LLGL1: variants seen among roughly 807,000 people sequenced by gnomAD.
LLGL1 encodes the protein lethal(2) giant larvae protein homolog 1.
A neutral mutation model predicts 110.6 loss-of-function variants in LLGL1; 58 were observed. That is an observed-to-expected ratio of 0.52 (90% CI 0.42 to 0.65). The LOEUF is 0.65. Among genes scored for constraint, LLGL1 ranks in the 30% least tolerant of loss-of-function variants. The pLI is 0.00. For missense variants in LLGL1, 1,229 were observed against 1,462.1 expected, an observed-to-expected ratio of 0.84 and a Z score of 2.60; for synonymous variants, 674 against 607.2, an observed-to-expected ratio of 1.11 and a Z score of -1.62.
At chr17:18,242,680 C>T in intron 21 of LLGL1, 52 bp downstream of exon 21, 1 of 1,571,650 alleles carries the variant, frequency 6.4e-7, no homozygotes, top group South Asian at 1.2e-5. Flanking sequence ...CCCTAGGCCT[C>T]CGTCCCCAGG....
intron 4 of LLGL1, 132 bp from the exon 5 acceptor site, chr17:18,233,646 G>A (rs2047618973): frequency 3.5e-6 from 3 of 854,696 alleles, no homozygotes; most frequent in Non-Finnish European, 5.5e-6. Flanking sequence ...TTCCTGGGGT[G>A]GCTCTGTAAG....
chr17:18,232,444 A>T (rs1469118677), intron 2 of LLGL1, 51 bp from the exon 3 acceptor site: 13 of 1,518,984 alleles, frequency 8.6e-6, no homozygotes, highest in Non-Finnish European at 1.2e-5. Context: ...TGTCTTCCTC[A>T]CTGTGGTTTG....
rs112209228 is a variant in LLGL1, at chr17:18,242,317, C to G, written c.2995+39C>G. The G allele has an allele frequency of 2.5e-6, 4 of 1,575,042 alleles. No homozygotes were observed. In the East Asian group the frequency reaches 9.0e-5, roughly 35 times the overall value. On this transcript the variant is annotated intron_variant, in intron 20 of 22. Coordinates refer to ENST00000316843, the MANE Select transcript of LLGL1 (RefSeq NM_004140.4). Reference sequence around the variant, plus strand: ...GAAAGGGGTCCAGACCCTGGCCCCACGGTGCCCTGGGGGAGGGAGTCGGGA... The same window carrying G: ...GAAAGGGGTCCAGACCCTGGCCCCAGGGTGCCCTGGGGGAGGGAGTCGGGA...
Position 18,242,150 on chromosome 17 carries a change from G to C in LLGL1, c.2883-16G>C. On this transcript the variant is annotated splice_polypyrimidine_tract_variant and intron_variant, in intron 19 of 22. Coordinates refer to ENST00000316843, the MANE Select transcript of LLGL1 (RefSeq NM_004140.4). Reference sequence around the variant, plus strand: ...GTCATCCACCTATGGTCCCCATCATGGCCCCATCTCTGCAGTTACAGGATC... The same window carrying C: ...GTCATCCACCTATGGTCCCCATCATCGCCCCATCTCTGCAGTTACAGGATC... 1 of 1,604,554 alleles carries C rather than the reference G, an allele frequency of 6.2e-7. No homozygotes were observed. The highest frequency in any genetic ancestry group is 8.5e-7 in the Non-Finnish European group (1 of 1,171,456).
Position 18,241,453 on chromosome 17 carries a change from GT to G in LLGL1, c.2507del (p.Phe836SerfsTer6). 6.2e-7 allele frequency: 1 copy of G among 1,611,852 alleles called. No individual in the cohort carries two copies. Among genetic ancestry groups the G allele is most frequent in the African/African-American group, 1.3e-5 (1 of 75,032 alleles). On this transcript the variant is annotated frameshift_variant, in exon 18 of 23. Transcript: ENST00000316843. LOFTEE classifies it high-confidence loss of function. ...LIASEEQFKV[F>X]TLPKVSAKTK... The stretch of plus-strand genomic sequence containing the variant: ...GCTCACCAGCCACCTGCTGTCAGGT[GT>G]TCACACTGCCCAAGGTGAGCGCGAA...
intron 1 of LLGL1, among the ~76,000 whole-genome samples, 174 bp from the exon 2 acceptor site, chr17:18,229,767 C>T (rs906749710): frequency 3.9e-5 from 6 of 152,298 alleles, no homozygotes; most frequent in African/African-American, 1.2e-4. Context: ...CAACTGGAGG[C>T]ATGATAACCC....
At chr17:18,229,234 C>T (rs2047516448) in intron 1 of LLGL1, among the ~76,000 whole-genome samples, 1 of 151,976 alleles carries the variant, frequency 6.6e-6, no homozygotes, top group African/African-American at 2.4e-5. Flanking sequence ...GGGTGGGGAG[C>T]TGTTTCATCG....
At position 18,235,126 on chromosome 17, in the gene LLGL1, A is replaced by G. The variant is rs774638925; in HGVS notation, c.1098A>G (p.Glu366=). 25 of 1,613,738 alleles carry G rather than the reference A, an allele frequency of 1.5e-5. No homozygotes were observed. Among genetic ancestry groups the G allele is most frequent in the Non-Finnish European group, 1.9e-5 (22 of 1,180,034 alleles). Reference sequence around the variant, plus strand: ...CCCAGGCCCTGGCTGTGCTGCTGGAAGAGGAGCTGGTGGTGCTGGACCTGC... The same window carrying G: ...CCCAGGCCCTGGCTGTGCTGCTGGAGGAGGAGCTGGTGGTGCTGGACCTGC... ...DDPQALAVLL[E]EELVVLDLQT... Residue 366 remains glutamate (E), a synonymous_variant, in exon 10 of 23, where the codon GAA becomes GAG. Coordinates refer to ENST00000316843, the MANE Select transcript of LLGL1 (RefSeq NM_004140.4).
At chr17:18,237,977 C>G in intron 14 of LLGL1, 90 bp from the exon 15 acceptor site, 1 of 1,489,756 alleles carries the variant, frequency 6.7e-7, no homozygotes, top group African/African-American at 1.4e-5. Flanking sequence ...CTGTGACTCC[C>G]TGACCTGGGT....
At chr17:18,239,017 A>G (rs1257153418) in intron 16 of LLGL1, among the ~76,000 whole-genome samples, 1 of 152,080 alleles carries the variant, frequency 6.6e-6, no homozygotes, top group Non-Finnish European at 1.5e-5. Context: ...TCAGAAAAAA[A>G]GCTTACCATC....
At chr17:18,234,454 G>C (rs760296905) in intron 7 of LLGL1, 46 bp downstream of exon 7, 5 of 1,598,332 alleles carry the variant, frequency 3.1e-6, no homozygotes, top group Non-Finnish European at 4.3e-6. Flanking sequence ...ATGGGAGGGG[G>C]CACCACTGAG....
At position 18,242,604 on chromosome 17, in the gene LLGL1, T is replaced by C; in HGVS notation, c.3092T>C (p.Val1031Ala). 6.2e-7 allele frequency: 1 copy of C among 1,613,426 alleles called. No individual in the cohort carries two copies. The highest frequency in any genetic ancestry group is 8.5e-7 in the Non-Finnish European group (1 of 1,179,660). The part of the protein sequence containing the change: ...TTLDTTGDVT[V>A]EDVKDFLGSS... ...CTGGACACGACAGGGGACGTCACAG[T>C]GGAAGATGTGAAGGATTTCCTGGGG... The change falls in exon 21 of 23, where the codon GTG becomes GCG. Residue 1031 changes from valine (V) to alanine (A), a missense_variant. Val to Ala is a moderately conservative substitution (Grantham distance 64). Coordinates refer to ENST00000316843, the MANE Select transcript of LLGL1 (RefSeq NM_004140.4).
Position 18,240,745 on chromosome 17 carries a change from G to T in LLGL1, c.2374G>T (p.Ala792Ser). Residue 792 changes from alanine (A) to serine (S), a missense_variant, in exon 17 of 23, where the codon GCC becomes TCC. Coordinates refer to ENST00000316843, the MANE Select transcript of LLGL1 (RefSeq NM_004140.4). The surrounding 1 kb of genome is among the most constrained non-coding windows in gnomAD (Gnocchi z 5.3). Reference protein sequence around the residue: ...VQLMHRAPVVAIAVLDGRGRP... With the variant: ...VQLMHRAPVVSIAVLDGRGRP... ...GCTGATGCACCGGGCGCCTGTGGTG[G>T]CCATTGCCGTGTTGGACGGGCGTGG... is the stretch of plus-strand genomic sequence containing the variant. 1 of 1,611,976 alleles carries T rather than the reference G, an allele frequency of 6.2e-7. No individual in the cohort carries two copies. Among genetic ancestry groups the T allele is most frequent in the Non-Finnish European group, 8.5e-7 (1 of 1,179,258 alleles).
intron 17 of LLGL1, 48 bp from the exon 18 acceptor site, chr17:18,241,403 G>A (rs752725033): frequency 6.4e-7 from 1 of 1,574,200 alleles, no homozygotes; most frequent in Non-Finnish European, 8.6e-7. Flanking sequence ...GGGGCCCTGG[G>A]GACGAGGACA....
chr17:18,243,207 A>G (rs186166153), intron 22 of LLGL1, among the ~76,000 whole-genome samples: 3 of 152,276 alleles, frequency 2.0e-5, no homozygotes, highest in Admixed American at 6.5e-5. Flanking sequence ...TCCTGGGTTC[A>G]TGCCATTCTC....
rs538941475 is a variant in LLGL1, at chr17:18,232,713, C to G, written c.303C>G (p.Leu101=). 2.5e-6 allele frequency: 4 copies of G among 1,614,186 alleles called. No individual in the cohort carries two copies. In the East Asian group the frequency reaches 6.7e-5, roughly 27 times the overall value. The part of the protein sequence containing the change: ...LSLLDDSSLH[L]WEIVHHNGCA... ...TGCTTGATGACAGCAGTCTGCATCT[C>G]TGGGAGATTGTCCACCATAATGGCT... Residue 101 remains leucine, a synonymous_variant, in exon 4 of 23, where the codon CTC becomes CTG. Coordinates refer to ENST00000316843, the MANE Select transcript of LLGL1 (RefSeq NM_004140.4).
intron 1 of LLGL1, among the ~76,000 whole-genome samples, chr17:18,225,967 G>C: frequency 6.6e-6 from 1 of 151,844 alleles, no homozygotes; most frequent in East Asian, 1.9e-4. Flanking sequence ...GTCTCCGGCC[G>C]ACTTTCCGTG....
chr17:18,238,498 C>G lies in LLGL1; in HGVS notation c.2095C>G (p.His699Asp). ...ACAGCTGGCTGAGCAGGCCTGCCCCCACGACGTGGAGATGACGCCCGTGCA... is the reference window on the plus strand; with the variant it reads ...ACAGCTGGCTGAGCAGGCCTGCCCCGACGACGTGGAGATGACGCCCGTGCA... ...NAQLAEQACPHDVEMTPVQRR... is the reference protein window; with the variant it reads ...NAQLAEQACPDDVEMTPVQRR... The change falls in exon 16 of 23, where the codon CAC (histidine) becomes GAC (aspartate). Residue 699 changes from histidine (H) to aspartate (D), a missense_variant. Coordinates refer to ENST00000316843, the MANE Select transcript of LLGL1 (RefSeq NM_004140.4). 16 of 1,612,450 alleles carry G rather than the reference C, an allele frequency of 9.9e-6. No homozygotes were observed. The highest frequency in any genetic ancestry group is 1.4e-5 in the Non-Finnish European group (16 of 1,179,952).
intron 1 of LLGL1, 136 bp downstream of exon 1, chr17:18,225,899 C>A (rs2047427287): frequency 4.7e-6 from 1 of 214,734 alleles, no homozygotes; most frequent in Non-Finnish European, 7.9e-6. Context: ...CGGGGCCGGG[C>A]CGGGCCGCGC....
Sources: gnomAD v4.1 joint callset for allele counts (sites outside exome capture counted in the v4.1 genomes callset) on GRCh38, gnomAD v4.1.1 for gene constraint, Gnocchi (gnomAD v3.1) non-coding constraint, MANE v1.5 for transcripts, NCBI Gene and HGNC (gene_info 2026-07-23, HGNC 2026-07-21) for gene names.